Variants in HS6ST2 observed in about 807,000 individuals in gnomAD.
The protein encoded by HS6ST2 is heparan sulfate 6-O-sulfotransferase 2, also known as heparan-sulfate 6-O-sulfotransferase 2.
HS6ST2 carries 17 observed loss-of-function variants against 33.0 expected under a neutral mutation model. That is an observed-to-expected ratio of 0.52 (90% CI 0.35 to 0.77). The LOEUF (loss-of-function observed/expected upper bound fraction) is 0.77. Ranked by LOEUF, HS6ST2 falls within the 30% of genes least tolerant of loss-of-function variation. HS6ST2 has a pLI of 0.01. For synonymous variants in HS6ST2, 248 were observed against 237.1 expected (o/e 1.05, Z -0.42); for missense variants, 519 against 551.7 (o/e 0.94, Z 0.59).
intron 2 of HS6ST2, among the ~76,000 whole-genome samples, chrX:132,800,250 G>C: frequency 9.0e-6 from 1 of 111,234 alleles, no homozygotes; most frequent in Non-Finnish European, 1.9e-5. Context: ...ACCCTATTGT[G>C]AACTGCACAT....
At chrX:132,878,240 A>G (rs1167457770) in intron 2 of HS6ST2, among the ~76,000 whole-genome samples, 1 of 111,884 alleles carries the variant, frequency 8.9e-6, no homozygotes, top group Admixed American at 9.5e-5. Context: ...CCCCCTCACA[A>G]TTGAATACCA....
intron 2 of HS6ST2, among the ~76,000 whole-genome samples, chrX:132,929,098 T>C (rs1349808044): frequency 2.7e-5 from 3 of 110,400 alleles, no homozygotes; most frequent in Non-Finnish European, 5.7e-5. Flanking sequence ...AATTTGATCT[T>C]TGAAAAAAAA....
At chrX:132,827,378 T>A (rs2065532934) in intron 2 of HS6ST2, among the ~76,000 whole-genome samples, 1 of 111,084 alleles carries the variant, frequency 9.0e-6, no homozygotes, top group Non-Finnish European at 1.9e-5. Context: ...TCACAGGGCA[T>A]GCCACACTGG....
At chrX:132,787,183 AT>A (rs1479646076) in intron 2 of HS6ST2, among the ~76,000 whole-genome samples, 4 of 79,309 alleles carry the variant, frequency 5.0e-5, no homozygotes, top group African/African-American at 2.3e-4. Flanking sequence ...ATATATATAT[AT>A]ATACATATAT....
intron 2 of HS6ST2, among the ~76,000 whole-genome samples, chrX:132,840,769 A>G (rs1006140673): frequency 7.1e-5 from 8 of 111,937 alleles, no homozygotes; most frequent in Admixed American, 4.8e-4. Flanking sequence ...ATGCATAAAC[A>G]TTAGCACTTA....
At chrX:132,934,051 A>T (rs1282251926) in intron 2 of HS6ST2, among the ~76,000 whole-genome samples, 1 of 96,535 alleles carries the variant, frequency 1.0e-5, no homozygotes, top group Non-Finnish European at 2.1e-5. Context: ...AGCTCATTTG[A>T]AGATAATAAT....
intron 3 of HS6ST2, among the ~76,000 whole-genome samples, chrX:132,691,950 A>G (rs918674750): frequency 2.7e-5 from 3 of 112,229 alleles, no homozygotes; most frequent in African/African-American, 9.7e-5. Flanking sequence ...GACTTCTGCA[A>G]GGCTCAAAAG....
chrX:132,942,983 C>T lies in HS6ST2; in HGVS notation c.947+13825G>A, dbSNP rs967719303. ...AAGAAAACCTGAATCTTTTCTCTAGCGCCTTTTTTCATTTCCATTAAAACA... is the reference window on the plus strand; with the variant it reads ...AAGAAAACCTGAATCTTTTCTCTAGTGCCTTTTTTCATTTCCATTAAAACA... On this transcript the variant is annotated intron_variant, in intron 2 of 4. Coordinates refer to ENST00000370833, the MANE Select transcript of HS6ST2 (RefSeq NM_001394073.1). 3.6e-5 allele frequency among the ~76,000 whole-genome samples: 4 copies of T among 112,071 alleles called. No individual in the cohort carries two copies. The South Asian group carries it at 1.1e-3, about 31-fold the overall frequency.
chrX:132,892,617 G>A (rs1017440822), intron 2 of HS6ST2, among the ~76,000 whole-genome samples: 2 of 112,030 alleles, frequency 1.8e-5, no homozygotes, highest in Non-Finnish European at 3.8e-5. Flanking sequence ...TCAGGAGTTC[G>A]ATACCAGCCT....
chrX:132,835,597 T>A (rs2065633753), intron 2 of HS6ST2, among the ~76,000 whole-genome samples: 1 of 112,171 alleles, frequency 8.9e-6, no homozygotes, highest in Non-Finnish European at 1.9e-5. Flanking sequence ...CACCAAGTGG[T>A]CCCTGTGGTT....
intron 2 of HS6ST2, among the ~76,000 whole-genome samples, chrX:132,916,480 C>G (rs1485508062): frequency 8.9e-6 from 1 of 111,916 alleles, no homozygotes; most frequent in Non-Finnish European, 1.9e-5. Flanking sequence ...AGTATTGTTC[C>G]TGGATATGTT....
At chrX:132,743,094 C>T (rs139059790) in intron 2 of HS6ST2, among the ~76,000 whole-genome samples, 1,554 of 112,347 alleles carry the variant, frequency 0.014, 18 homozygotes, top group South Asian at 0.079. Flanking sequence ...TTAAAAAACG[C>T]AACCAAAATA....
At chrX:132,842,673 T>G (rs1283355716) in intron 2 of HS6ST2, among the ~76,000 whole-genome samples, 1 of 111,404 alleles carries the variant, frequency 9.0e-6, no homozygotes, top group Non-Finnish European at 1.9e-5. Context: ...AGTAGAATAC[T>G]CTCACTGGTC....
intron 4 of HS6ST2, among the ~76,000 whole-genome samples, chrX:132,657,142 G>A (rs1426645881): frequency 9.0e-6 from 1 of 111,407 alleles, no homozygotes; most frequent in Non-Finnish European, 1.9e-5. Flanking sequence ...TAACACAAAT[G>A]CCTTGTCCAT....
intron 2 of HS6ST2, among the ~76,000 whole-genome samples, chrX:132,765,161 G>A: frequency 8.9e-6 from 1 of 112,323 alleles, no homozygotes; most frequent in African/African-American, 3.2e-5. Flanking sequence ...CTGGAAGAGA[G>A]AGATGCAAAA....
chrX:132,833,761 C>CTT (rs1238291305), intron 2 of HS6ST2, among the ~76,000 whole-genome samples: 2 of 98,166 alleles, frequency 2.0e-5, no homozygotes. Flanking sequence ...ACGGCCAGAT[C>CTT]TTTTTTTTTT....
intron 2 of HS6ST2, among the ~76,000 whole-genome samples, chrX:132,723,966 C>A (rs2064363884): frequency 9.1e-6 from 1 of 110,124 alleles, no homozygotes; most frequent in African/African-American, 3.3e-5. Flanking sequence ...GAAACCCCAT[C>A]TCTACTAAAA....
intron 3 of HS6ST2, among the ~76,000 whole-genome samples, chrX:132,688,210 C>CT (rs2064034321): frequency 8.9e-6 from 1 of 111,796 alleles, no homozygotes; most frequent in Non-Finnish European, 1.9e-5. Context: ...TGACAGGAAC[C>CT]TTTCTCCTAG....
intron 2 of HS6ST2, among the ~76,000 whole-genome samples, chrX:132,888,393 T>C (rs1413020990): frequency 1.8e-5 from 2 of 111,610 alleles, no homozygotes; most frequent in Non-Finnish European, 3.8e-5. Context: ...TTATTCACTG[T>C]CACAAGAACA....
Sources: gnomAD v4.1 joint callset for allele counts (sites outside exome capture counted in the v4.1 genomes callset) on GRCh38, gnomAD v4.1.1 for gene constraint, MANE v1.5 for transcripts, NCBI Gene and HGNC (gene_info 2026-07-23, HGNC 2026-07-21) for gene names.